EPHX2: variants seen among roughly 807,000 people sequenced by gnomAD.
EPHX2 encodes the protein epoxide hydrolase 2, also known as bifunctional epoxide hydrolase 2.
A neutral mutation model predicts 78.7 loss-of-function variants in EPHX2; 74 were observed. The ratio of observed to expected loss-of-function variants is 0.94; its 90% CI spans 0.78 to 1.14. EPHX2 has a LOEUF of 1.14. Ranked by LOEUF, EPHX2 falls within the 50% of genes most tolerant of loss-of-function variation. EPHX2 has a pLI of 0.00. For missense variants in EPHX2, 715 were observed against 702.5 expected, an observed-to-expected ratio of 1.02 and a Z score of -0.20; for synonymous variants, 251 against 255.2, an observed-to-expected ratio of 0.98 and a Z score of 0.16.
intron 12 of EPHX2, among the ~76,000 whole-genome samples, chr8:27,536,118 G>A (rs780436973): frequency 1.3e-5 from 2 of 152,158 alleles, no homozygotes; most frequent in Non-Finnish European, 2.9e-5. Flanking sequence ...CTGGTCATTT[G>A]TCACCAGGAA....
chr8:27,533,288 C>T (rs563599182), intron 12 of EPHX2, among the ~76,000 whole-genome samples: 1 of 152,278 alleles, frequency 6.6e-6, no homozygotes, highest in East Asian at 1.9e-4. Context: ...TGGTAACTGT[C>T]AGTACTTGGG....
At position 27,522,515 on chromosome 8, in the gene EPHX2, G is replaced by T. The variant is rs138999679; in HGVS notation, c.1058+7G>T. On this transcript the variant is annotated splice_region_variant and intron_variant, in intron 11 of 18. Coordinates refer to ENST00000521400, the MANE Select transcript of EPHX2 (RefSeq NM_001979.6). The stretch of plus-strand genomic sequence containing the variant: ...TCTACCCCGAGAGAGTGAGGTAATT[G>T]GGCCTCGGGCAATAAAGATTTGGAG... The T allele has an allele frequency of 6.2e-7, 1 of 1,613,464 alleles. No homozygotes were observed. The highest frequency in any genetic ancestry group is 8.5e-7 in the Non-Finnish European group (1 of 1,179,616).
At chr8:27,498,489 C>T (rs1586429565) in intron 1 of EPHX2, among the ~76,000 whole-genome samples, 1 of 151,944 alleles carries the variant, frequency 6.6e-6, no homozygotes, top group East Asian at 1.9e-4. Flanking sequence ...TATATTCTTT[C>T]CCTAGTTCCT....
At chr8:27,517,063 G>T (rs186335662) in intron 8 of EPHX2, among the ~76,000 whole-genome samples, 1 of 151,914 alleles carries the variant, frequency 6.6e-6, no homozygotes, top group East Asian at 1.9e-4. Context: ...GGGATTACAC[G>T]TGTGTGCCAC....
At chr8:27,495,890 C>A (rs766457941) in intron 1 of EPHX2, among the ~76,000 whole-genome samples, 2 of 152,116 alleles carry the variant, frequency 1.3e-5, no homozygotes, top group Non-Finnish European at 2.9e-5. Context: ...TGTACTAGGG[C>A]CTGCTTTAAG....
chr8:27,516,438 C>T (rs1346367915), intron 8 of EPHX2, 40 bp downstream of exon 8: 1 of 1,589,444 alleles, frequency 6.3e-7, no homozygotes, highest in African/African-American at 1.3e-5. Context: ...GCTGGTCTTG[C>T]CTTCTACCTG....
intron 6 of EPHX2, among the ~76,000 whole-genome samples, chr8:27,513,429 G>C (rs373612958): frequency 1.8e-4 from 27 of 152,232 alleles, no homozygotes; most frequent in African/African-American, 6.5e-4. Flanking sequence ...TTCCCTTAGG[G>C]TTTGCATATC....
rs755352071 is a variant in EPHX2 at position 27,500,908 on chromosome 8, G to A, written c.102-18G>A. The A allele has an allele frequency of 9.3e-6, 15 of 1,608,660 alleles. No individual in the cohort carries two copies. The East Asian group carries it at 3.4e-4, about 36-fold the overall frequency. On this transcript the variant is annotated intron_variant, in intron 1 of 18. Transcript: ENST00000521400. ...ACAAAATCCACAGAATGTTCCTGAT[G>A]TTCTTTGTGTTTTCCAGAGGACTTC...
intron 11 of EPHX2, among the ~76,000 whole-genome samples, chr8:27,525,093 T>TGC (rs1563355216): frequency 6.9e-6 from 1 of 145,390 alleles, no homozygotes; most frequent in Non-Finnish European, 1.5e-5. Flanking sequence ...TGTGTGTGTG[T>TGC]GTGTGTGTGT....
At chr8:27,500,036 G>C (rs1432782591) in intron 1 of EPHX2, among the ~76,000 whole-genome samples, 1 of 152,142 alleles carries the variant, frequency 6.6e-6, no homozygotes, top group Non-Finnish European at 1.5e-5. Context: ...GTATGTATTT[G>C]GGATGGGGGT....
At chr8:27,501,378 CTTCTTCTTCTTCTTCTTTCTTCT>C in intron 2 of EPHX2, among the ~76,000 whole-genome samples, 1 of 111,350 alleles carries the variant, frequency 9.0e-6, no homozygotes, top group Non-Finnish European at 1.9e-5. Context: ...TCTTCTTCTT[CTTCTTCTTCTTCTTCTTTCTTCT>C]TTCTTCTTTC....
At chr8:27,541,689 G>A in intron 16 of EPHX2, 147 bp downstream of exon 16, 1 of 795,728 alleles carries the variant, frequency 1.3e-6, no homozygotes, top group Non-Finnish European at 2.1e-6. Flanking sequence ...TTTGGGAAGT[G>A]ACTCCCTTCA....
intron 13 of EPHX2, among the ~76,000 whole-genome samples, chr8:27,537,134 T>C (rs529107114): frequency 6.6e-6 from 1 of 152,348 alleles, no homozygotes; most frequent in African/African-American, 2.4e-5. Flanking sequence ...AATTAATTGA[T>C]GTCCCCAACC....
chr8:27,538,115 AG>A (rs1378832576), intron 13 of EPHX2, among the ~76,000 whole-genome samples: 2 of 152,216 alleles, frequency 1.3e-5, no homozygotes. Flanking sequence ...GCACTTGGGA[AG>A]GCAGGCCTAG....
intron 3 of EPHX2, among the ~76,000 whole-genome samples, chr8:27,504,212 T>C (rs1585189773): frequency 6.6e-6 from 1 of 152,262 alleles, no homozygotes; most frequent in East Asian, 1.9e-4. Context: ...AGGCGTTGAC[T>C]TGGTGTGAAC....
At chr8:27,506,069 G>A (rs935433489) in intron 4 of EPHX2, among the ~76,000 whole-genome samples, 4 of 152,086 alleles carry the variant, frequency 2.6e-5, no homozygotes, top group African/African-American at 9.7e-5. Context: ...GCTCACTGCA[G>A]CCTCAAACTC....
At chr8:27,517,340 C>T (rs2132748819) in intron 8 of EPHX2, among the ~76,000 whole-genome samples, 1 of 152,250 alleles carries the variant, frequency 6.6e-6, no homozygotes, top group South Asian at 2.1e-4. Context: ...GCAATGCAAT[C>T]CCTGTCAAAA....
chr8:27,515,717 GC>G lies in EPHX2; in HGVS notation c.738del (p.Arg247GlyfsTer43). The G allele has an allele frequency of 6.2e-7, 1 of 1,613,686 alleles. No homozygotes were observed. The highest frequency in any genetic ancestry group is 8.5e-7 in the Non-Finnish European group (1 of 1,179,930). ...DMSHGYVTVK[P>X]RVRLHFVELG... Reference sequence around the variant, plus strand: ...TGCCCTCTCCTCTTTCCCTTCCACAGCCCAGGGTCCGTCTGCATTTTGTGGA... The same window carrying G: ...TGCCCTCTCCTCTTTCCCTTCCACAGCCAGGGTCCGTCTGCATTTTGTGGA... On this transcript the variant is annotated frameshift_variant and splice_region_variant, in exon 7 of 19. Coordinates refer to ENST00000521400, the MANE Select transcript of EPHX2 (RefSeq NM_001979.6). LOFTEE classifies it high-confidence loss of function.
At chr8:27,512,079 C>T (rs1005650003) in intron 6 of EPHX2, 169 bp downstream of exon 6, 11 of 363,902 alleles carry the variant, frequency 3.0e-5, no homozygotes, top group African/African-American at 9.5e-5. Context: ...GCCTGGGCAA[C>T]GGAGTGAAAC....
Sources: allele counts gnomAD v4.1 joint callset (sites outside exome capture counted in the v4.1 genomes callset), GRCh38; gene constraint gnomAD v4.1.1; transcripts MANE v1.5; gene names NCBI Gene and HGNC (gene_info 2026-07-23, HGNC 2026-07-21).